CCSER1: variants seen among roughly 807,000 people sequenced by gnomAD.
The protein encoded by CCSER1 is coiled-coil serine rich protein 1.
Under a neutral mutation model 82.0 loss-of-function variants are expected in CCSER1, and 41 were observed. The observed-to-expected ratio is 0.50, with a 90% CI of 0.39 to 0.65. CCSER1 has a LOEUF of 0.65. Among genes scored for constraint, CCSER1 ranks in the 30% least tolerant of loss-of-function variants. The pLI is 0.00. For missense variants in CCSER1, 1,119 were observed against 1,064.2 expected (o/e 1.05, Z -0.72); for synonymous variants, 414 against 383.9 (o/e 1.08, Z -0.92).
intron 1 of CCSER1, among the ~76,000 whole-genome samples, chr4:90,251,573 C>A (rs1365462460): frequency 6.6e-6 from 1 of 151,792 alleles, no homozygotes; most frequent in Non-Finnish European, 1.5e-5. Context: ...TGGAAAAATT[C>A]CACTTCCTCA....
At chr4:90,401,171 A>T (rs1400143910) in intron 4 of CCSER1, among the ~76,000 whole-genome samples, 1 of 152,120 alleles carries the variant, frequency 6.6e-6, no homozygotes, top group African/African-American at 2.4e-5. Flanking sequence ...TGCATTTAAA[A>T]TTTTTTCGGT....
chr4:90,575,054 T>G (rs1281735581), intron 5 of CCSER1, among the ~76,000 whole-genome samples: 1 of 152,220 alleles, frequency 6.6e-6, no homozygotes, highest in Non-Finnish European at 1.5e-5. Context: ...ACTCCCTGGT[T>G]CATCACTTTC....
chr4:91,006,410 A>G (rs1359329917), intron 9 of CCSER1, among the ~76,000 whole-genome samples: 2 of 152,010 alleles, frequency 1.3e-5, no homozygotes, highest in Non-Finnish European at 1.5e-5. Flanking sequence ...AGGGATTTCT[A>G]TATATAAAAT....
intron 10 of CCSER1, chr4:91,129,933 T>C (rs1581610232): frequency 6.6e-6 from 1 of 152,040 alleles, no homozygotes; most frequent in East Asian, 1.9e-4. Context: ...CTTCTGTATA[T>C]GTTGTCCTTT....
At chr4:90,638,926 T>A (rs1023292841) in intron 6 of CCSER1, among the ~76,000 whole-genome samples, 1 of 152,166 alleles carries the variant, frequency 6.6e-6, no homozygotes, top group Non-Finnish European at 1.5e-5. Context: ...GTATAGCTAC[T>A]GTAAGTTGAT....
chr4:90,221,102 A>T (rs931127781), intron 1 of CCSER1, among the ~76,000 whole-genome samples: 2 of 152,162 alleles, frequency 1.3e-5, no homozygotes, highest in African/African-American at 4.8e-5. Context: ...ACAATAAAAA[A>T]GTTGTATCAA....
At chr4:90,519,443 T>C (rs1217298405) in intron 5 of CCSER1, among the ~76,000 whole-genome samples, 1 of 151,934 alleles carries the variant, frequency 6.6e-6, no homozygotes, top group Non-Finnish European at 1.5e-5. Flanking sequence ...ACTCGGCATT[T>C]GTTATGTATA....
chr4:90,417,539 T>C (rs1460968133), intron 4 of CCSER1, among the ~76,000 whole-genome samples: 2 of 152,082 alleles, frequency 1.3e-5, no homozygotes, highest in Non-Finnish European at 2.9e-5. Flanking sequence ...ATTTGGATGA[T>C]AGAATGAAGA....
At chr4:90,446,870 A>G (rs1354929072) in intron 4 of CCSER1, among the ~76,000 whole-genome samples, 3 of 152,120 alleles carry the variant, frequency 2.0e-5, no homozygotes, top group Non-Finnish European at 4.4e-5. Context: ...ACGAGGATGA[A>G]GACTTTTATG....
chr4:91,293,714 T>C (rs1487747551), intron 10 of CCSER1, among the ~76,000 whole-genome samples: 6 of 151,938 alleles, frequency 3.9e-5, no homozygotes, highest in Admixed American at 3.9e-4. Flanking sequence ...GGATCTATGG[T>C]GATTTTTTTT....
chr4:90,929,598 C>T (rs1729477784), intron 9 of CCSER1, among the ~76,000 whole-genome samples: 1 of 152,150 alleles, frequency 6.6e-6, no homozygotes, highest in South Asian at 2.1e-4. Context: ...GAATTAGTAT[C>T]AGTGAACCAA....
intron 8 of CCSER1, among the ~76,000 whole-genome samples, chr4:90,861,738 T>G (rs891209205): frequency 4.0e-5 from 6 of 151,612 alleles, no homozygotes; most frequent in African/African-American, 1.4e-4. Flanking sequence ...TAATGTACTT[T>G]GTGAATACTA....
intron 5 of CCSER1, among the ~76,000 whole-genome samples, chr4:90,597,447 TATTTAAG>T (rs537877502): frequency 2.3e-3 from 357 of 152,202 alleles, no homozygotes; most frequent in African/African-American, 8.2e-3. Flanking sequence ...TAAAATATAC[TATTTAAG>T]TTTTGACATA....
chr4:90,367,057 T>G (rs1578136600), intron 3 of CCSER1, among the ~76,000 whole-genome samples: 1 of 151,874 alleles, frequency 6.6e-6, no homozygotes, highest in African/African-American at 2.4e-5. Context: ...TTGGAATGAT[T>G]ACATGGTATT....
intron 3 of CCSER1, among the ~76,000 whole-genome samples, chr4:90,323,950 G>T (rs1038712199): frequency 2.0e-5 from 3 of 152,050 alleles, no homozygotes; most frequent in Non-Finnish European, 2.9e-5. Context: ...ATAGTTTACT[G>T]AGAATGATGA....
At chr4:90,320,146 G>A (rs1736875093) in intron 3 of CCSER1, among the ~76,000 whole-genome samples, 1 of 152,150 alleles carries the variant, frequency 6.6e-6, no homozygotes, top group South Asian at 2.1e-4. Flanking sequence ...TTAAATGGAA[G>A]GAGCTGTGTA....
At chr4:91,261,153 A>G (rs1403235814) in intron 10 of CCSER1, among the ~76,000 whole-genome samples, 1 of 152,058 alleles carries the variant, frequency 6.6e-6, no homozygotes, top group Non-Finnish European at 1.5e-5. Context: ...ACACATGGCA[A>G]TTTTTTTCTA....
chr4:90,631,087 G>A (rs1724320322), intron 6 of CCSER1, among the ~76,000 whole-genome samples: 1 of 151,884 alleles, frequency 6.6e-6, no homozygotes, highest in African/African-American at 2.4e-5. Context: ...TAGAGACGGG[G>A]TTTCACTGCG....
intron 1 of CCSER1, among the ~76,000 whole-genome samples, chr4:90,166,055 C>T (rs1730395301): frequency 6.6e-6 from 1 of 152,026 alleles, no homozygotes; most frequent in Non-Finnish European, 1.5e-5. Context: ...AATATTTCGA[C>T]TTTATGATGG....
Sources: allele counts gnomAD v4.1 joint callset (sites outside exome capture counted in the v4.1 genomes callset), GRCh38; gene constraint gnomAD v4.1.1; transcripts MANE v1.5; gene names NCBI Gene and HGNC (gene_info 2026-07-23, HGNC 2026-07-21).